Variants in ATXN10 observed in about 807,000 individuals in gnomAD.
ATXN10 encodes ataxin-10.
Under a neutral mutation model 52.9 loss-of-function variants are expected in ATXN10, and 28 were observed. The ratio of observed to expected loss-of-function variants is 0.53; its 90% CI spans 0.39 to 0.73. The LOEUF is 0.73. ATXN10 is among the 30% of genes least tolerant of loss of function. The pLI is 0.00. For missense variants in ATXN10, 565 were observed against 577.0 expected (o/e 0.98, Z 0.21); for synonymous variants, 226 against 221.5 (o/e 1.02, Z -0.18).
At chr22:45,747,799 A>T (rs567770115) in intron 9 of ATXN10, among the ~76,000 whole-genome samples, 4 of 152,116 alleles carry the variant, frequency 2.6e-5, no homozygotes, top group Non-Finnish European at 5.9e-5. Context: ...AAATGTGATC[A>T]TGTATAGGAA....
chr22:45,761,682 T>G (rs1022895484), intron 9 of ATXN10, among the ~76,000 whole-genome samples: 7 of 152,236 alleles, frequency 4.6e-5, no homozygotes, highest in African/African-American at 1.7e-4. Flanking sequence ...TATCATACAC[T>G]TCTTCCCAGT....
At position 45,835,369 on chromosome 22, in the gene ATXN10, G is replaced by C. The variant is rs900377726; in HGVS notation, c.1238-7622G>C. 1.3e-5 allele frequency among the ~76,000 whole-genome samples: 2 copies of C among 152,168 alleles called. No homozygotes were observed. Among genetic ancestry groups the C allele is most frequent in the African/African-American group, 4.8e-5 (2 of 41,456 alleles). ...GCACTGGTGCCACAGCCCTTCGCTC[G>C]GGCCCACGGGGTGCAGTGGAGGAAG... On this transcript the variant is annotated intron_variant, in intron 10 of 11. Coordinates refer to ENST00000252934, the MANE Select transcript of ATXN10 (RefSeq NM_013236.4). The surrounding 1 kb of genome is among the most constrained non-coding windows in gnomAD (Gnocchi z 5.0).
chr22:45,676,687 C>T (rs563671178), intron 1 of ATXN10: 1 of 152,194 alleles, frequency 6.6e-6, no homozygotes, highest in South Asian at 2.1e-4. Flanking sequence ...CCACGTTGGT[C>T]AGGTTGGTCT....
intron 5 of ATXN10, chr22:45,703,957 C>A (rs1463140443): frequency 6.6e-6 from 1 of 152,292 alleles, no homozygotes; most frequent in African/African-American, 2.4e-5. Context: ...ACAAGCTATT[C>A]AGCAGGCAAG....
At position 45,750,237 on chromosome 22, in the gene ATXN10, G is replaced by A. The variant is rs1458466100; in HGVS notation, c.1173+9699G>A. On this transcript the variant is annotated intron_variant, in intron 9 of 11. Coordinates refer to ENST00000252934, the MANE Select transcript of ATXN10 (RefSeq NM_013236.4). This position sits in a 1 kb window ranked among gnomAD's most constrained non-coding sequence, Gnocchi z 4.2. ...AGCCACCCAAGTAGCTGGTACTAGA[G>A]GTATGTCACCACACCTGGCAAATTT... is the stretch of plus-strand genomic sequence containing the variant. Among the ~76,000 whole-genome samples, 1 of 152,024 alleles carries A rather than the reference G, an allele frequency of 6.6e-6. No individual in the cohort carries two copies. Among genetic ancestry groups the A allele is most frequent in the East Asian group, 1.9e-4 (1 of 5,174 alleles).
In ATXN10 at chr22:45,696,762, G is replaced by A. The variant is rs1455658985; in HGVS notation, c.392-3520G>A. ...ATGTATTTAGTTTTTACAATATATG[G>A]TAAAAGATTATTTCATCCTTCACAG... is the stretch of plus-strand genomic sequence containing the variant. On this transcript the variant is annotated intron_variant, in intron 3 of 11. Coordinates refer to ENST00000252934, the MANE Select transcript of ATXN10 (RefSeq NM_013236.4). The surrounding 1 kb of genome is among the most constrained non-coding windows in gnomAD (Gnocchi z 4.7). Among the ~76,000 whole-genome samples the A allele has an allele frequency of 6.6e-6, 1 of 152,162 alleles. No homozygotes were observed. The highest frequency in any genetic ancestry group is 1.9e-4 in the East Asian group (1 of 5,204).
intron 9 of ATXN10, chr22:45,793,456 C>A: frequency 2.9e-6 from 2 of 696,814 alleles, no homozygotes; most frequent in Non-Finnish European, 4.0e-6. Flanking sequence ...GAGTCCACAT[C>A]TTGAGGTCTT....
At chr22:45,703,181 A>C (rs1225875707) in intron 5 of ATXN10, among the ~76,000 whole-genome samples, 1 of 152,222 alleles carries the variant, frequency 6.6e-6, no homozygotes, top group East Asian at 1.9e-4. Flanking sequence ...TGCAGTAGCT[A>C]GTTCATTAGA....
intron 9 of ATXN10, among the ~76,000 whole-genome samples, chr22:45,753,172 T>C (rs1316939645): frequency 6.6e-6 from 1 of 151,874 alleles, no homozygotes; most frequent in East Asian, 1.9e-4. Flanking sequence ...CCCTCTTCCC[T>C]TAACCCCTCC....
chr22:45,694,929 A>G (rs1217177054), intron 3 of ATXN10, among the ~76,000 whole-genome samples: 2 of 139,352 alleles, frequency 1.4e-5, no homozygotes, highest in African/African-American at 5.6e-5. Flanking sequence ...TGACAGAGCA[A>G]GACTCTGTCT....
At position 45,844,938 on chromosome 22, in the gene ATXN10, G is replaced by A. The variant is rs929931995; in HGVS notation, c.*1267G>A. Reference sequence around the variant, plus strand: ...GAATGAAGTAAAAGTTTTCCCATGTGCTGTCTAATGTACTCTGTGTAACTC... The same window carrying A: ...GAATGAAGTAAAAGTTTTCCCATGTACTGTCTAATGTACTCTGTGTAACTC... On this transcript the variant is annotated 3_prime_UTR_variant, in exon 12 of 12. Transcript: ENST00000252934. 6.6e-6 allele frequency: 1 copy of A among 152,192 alleles called. No homozygotes were observed. Among genetic ancestry groups the A allele is most frequent in the Non-Finnish European group, 1.5e-5 (1 of 68,042 alleles). 9.4% of individuals were successfully genotyped at this position (152,192 alleles called of 1,614,324 possible). A position where few individuals can be genotyped will look rare whatever the true frequency, so the allele number is the denominator to read the frequency against.
In ATXN10 at chr22:45,708,290, G is replaced by A. The variant is rs569528438; in HGVS notation, c.647+5443G>A. On this transcript the variant is annotated intron_variant, in intron 5 of 11. Coordinates refer to ENST00000252934, the MANE Select transcript of ATXN10 (RefSeq NM_013236.4). This position sits in a 1 kb window ranked among gnomAD's most constrained non-coding sequence, Gnocchi z 5.3. The stretch of plus-strand genomic sequence containing the variant: ...CCAGTAAATGTGCACTGGTAGGTTA[G>A]GTCAGTCAGTGCAGAATTACACAGT... 8.4e-4 allele frequency among the ~76,000 whole-genome samples: 128 copies of A among 152,304 alleles called. No individual in the cohort carries two copies. Among genetic ancestry groups the A allele is most frequent in the African/African-American group, 3.0e-3 (123 of 41,566 alleles).
At chr22:45,710,530 A>G (rs1924205302) in intron 5 of ATXN10, among the ~76,000 whole-genome samples, 1 of 152,034 alleles carries the variant, frequency 6.6e-6, no homozygotes, top group East Asian at 1.9e-4. Context: ...TTTCTTGTTT[A>G]TTGTTGGTTG....
chr22:45,705,446 T>TA lies in ATXN10; in HGVS notation c.647+2599_647+2600insA, dbSNP rs956231892. On this transcript the variant is annotated intron_variant, in intron 5 of 11. Transcript: ENST00000252934. This position sits in a 1 kb window ranked among gnomAD's most constrained non-coding sequence, Gnocchi z 5.2. The stretch of plus-strand genomic sequence containing the variant: ...TTACTTGTTACAGGTCTTGGTTTTT[T>TA]TTTTTGAGACGGAGTCTCACTCTGT... Among the ~76,000 whole-genome samples the TA allele has an allele frequency of 3.3e-5, 5 of 152,106 alleles. No individual in the cohort carries two copies. Among genetic ancestry groups the TA allele is most frequent in the African/African-American group, 9.7e-5 (4 of 41,412 alleles).
At position 45,712,552 on chromosome 22, in the gene ATXN10, C is replaced by T. The variant is rs950648543; in HGVS notation, c.648-5861C>T. Among the ~76,000 whole-genome samples, 2 of 152,138 alleles carry T rather than the reference C, an allele frequency of 1.3e-5. No individual in the cohort carries two copies. The highest frequency in any genetic ancestry group is 2.4e-5 in the African/African-American group (1 of 41,416). On this transcript the variant is annotated intron_variant, in intron 5 of 11. Coordinates refer to ENST00000252934, the MANE Select transcript of ATXN10 (RefSeq NM_013236.4). This position sits in a 1 kb window ranked among gnomAD's most constrained non-coding sequence, Gnocchi z 4.6. ...ACTCAAACCCAGCTCTTTCTGAGAC[C>T]AAAATTTGTGCTCTTAATCTGTACA...
At chr22:45,831,948 C>T (rs758968541) in intron 10 of ATXN10, among the ~76,000 whole-genome samples, 4 of 152,216 alleles carry the variant, frequency 2.6e-5, no homozygotes, top group Admixed American at 1.3e-4. Flanking sequence ...CACCCCCTTC[C>T]GTCACCTGTA....
Position 45,811,558 on chromosome 22 carries a change from A to G in ATXN10, c.1237+4536A>G, listed in dbSNP as rs553182897. The G allele has an allele frequency of 2.6e-4, 93 of 355,880 alleles. 2 individuals are homozygous for G. Among genetic ancestry groups the G allele is most frequent in the South Asian group, 1.9e-3 (90 of 47,528 alleles). 22.0% of individuals were successfully genotyped at this position (355,880 alleles called of 1,614,324 possible). A position where few individuals can be genotyped will look rare whatever the true frequency, so the allele number is the denominator to read the frequency against. ...CACCTACAGTATTAAGTACAGTTAC[A>G]TGCTATACAGTTCTATAGTCTAGAA... On this transcript the variant is annotated intron_variant, in intron 10 of 11. Coordinates refer to ENST00000252934, the MANE Select transcript of ATXN10 (RefSeq NM_013236.4).
At position 45,819,889 on chromosome 22, in the gene ATXN10, A is replaced by T. The variant is rs1198437673; in HGVS notation, c.1237+12867A>T. 6.6e-6 allele frequency among the ~76,000 whole-genome samples: 1 copy of T among 152,196 alleles called. No individual in the cohort carries two copies. The highest frequency in any genetic ancestry group is 2.4e-5 in the African/African-American group (1 of 41,448). On this transcript the variant is annotated intron_variant, in intron 10 of 11. Transcript: ENST00000252934. This position sits in a 1 kb window ranked among gnomAD's most constrained non-coding sequence, Gnocchi z 4.5. ...TTATATATTTTGTGAGACACTTGAG[A>T]GACTGGGTAGCCAAAGTTTGGCATA...
At chr22:45,836,346 C>T (rs1346484504) in intron 10 of ATXN10, among the ~76,000 whole-genome samples, 1 of 152,182 alleles carries the variant, frequency 6.6e-6, no homozygotes, top group African/African-American at 2.4e-5. Context: ...AAACTTGTGA[C>T]CCCTTGCAAA....
Sources: allele counts gnomAD v4.1 joint callset (sites outside exome capture counted in the v4.1 genomes callset), GRCh38; gene constraint gnomAD v4.1.1; non-coding constraint Gnocchi (gnomAD v3.1); transcripts MANE v1.5; gene names NCBI Gene and HGNC (gene_info 2026-07-23, HGNC 2026-07-21).